FMN2: variants seen among roughly 807,000 people sequenced by gnomAD.
FMN2 encodes formin-2.
In FMN2, 51 loss-of-function variants were observed where a neutral mutation model predicts 142.3. That is an observed-to-expected ratio of 0.36 (90% confidence interval 0.29 to 0.45). The LOEUF is 0.45. Ranked by LOEUF, FMN2 falls within the 20% of genes least tolerant of loss-of-function variation. The probability of loss-of-function intolerance (pLI) is 1.00; values close to 1 mark genes in which losing one functional copy is unlikely to be tolerated. For missense variants in FMN2, 1,936 were observed against 2,122.8 expected, an observed-to-expected ratio of 0.91 and a Z score of 1.73; for synonymous variants, 882 against 869.8, an observed-to-expected ratio of 1.01 and a Z score of -0.25.
At chr1:240,445,916 T>C (rs1444838771) in intron 16 of FMN2, among the ~76,000 whole-genome samples, 1 of 152,024 alleles carries the variant, frequency 6.6e-6, no homozygotes, top group Non-Finnish European at 1.5e-5. Flanking sequence ...GAGATATATT[T>C]TGGAGGAAAA....
At chr1:240,370,742 A>G (rs1672834186) in intron 14 of FMN2, among the ~76,000 whole-genome samples, 1 of 152,084 alleles carries the variant, frequency 6.6e-6, no homozygotes. Context: ...CCGTTTCCTA[A>G]CAGGTCTCAC....
At chr1:240,468,300 GCA>G (rs567277977) in intron 16 of FMN2, among the ~76,000 whole-genome samples, 12 of 142,168 alleles carry the variant, frequency 8.4e-5, no homozygotes, top group African/African-American at 2.4e-4. Flanking sequence ...ATATACATAT[GCA>G]CACACACATA....
At chr1:240,143,957 C>G in intron 2 of FMN2, 1 of 1,442,628 alleles carries the variant, frequency 6.9e-7, no homozygotes, top group South Asian at 1.1e-5. Flanking sequence ...CATGGTGTTG[C>G]TGTTGTGGAG....
chr1:240,363,191 A>G (rs1473265859), intron 14 of FMN2, among the ~76,000 whole-genome samples: 1 of 152,184 alleles, frequency 6.6e-6, no homozygotes, highest in African/African-American at 2.4e-5. Flanking sequence ...AGCATGTTTC[A>G]TGTTGTACTT....
intron 2 of FMN2, chr1:240,144,823 C>G: frequency 7.0e-7 from 1 of 1,437,520 alleles, no homozygotes. Flanking sequence ...CCAGAGTGAG[C>G]AGTGGCTCCT....
At chr1:240,411,508 T>G (rs1221394177) in intron 15 of FMN2, among the ~76,000 whole-genome samples, 2 of 151,404 alleles carry the variant, frequency 1.3e-5, no homozygotes, top group African/African-American at 4.9e-5. Flanking sequence ...GAGGCGGAGG[T>G]TGTAGTGAGC....
chr1:240,289,568 A>G (rs1669705718), intron 7 of FMN2, among the ~76,000 whole-genome samples: 1 of 152,136 alleles, frequency 6.6e-6, no homozygotes, highest in Non-Finnish European at 1.5e-5. Context: ...TGTCCCCGCC[A>G]CATGGAGAGG....
intron 13 of FMN2, among the ~76,000 whole-genome samples, chr1:240,353,495 C>G (rs1230022463): frequency 6.6e-6 from 1 of 152,150 alleles, no homozygotes; most frequent in Non-Finnish European, 1.5e-5. Flanking sequence ...CATCCAACAG[C>G]AATTTATTGC....
intron 13 of FMN2, among the ~76,000 whole-genome samples, chr1:240,339,476 T>C (rs1396005344): frequency 6.6e-6 from 1 of 152,102 alleles, no homozygotes; most frequent in Non-Finnish European, 1.5e-5. Flanking sequence ...TCTAGGAAGG[T>C]ATTCTCCATG....
chr1:240,329,965 T>G (rs147537074), intron 10 of FMN2, among the ~76,000 whole-genome samples: 24 of 152,378 alleles, frequency 1.6e-4, no homozygotes, highest in African/African-American at 5.8e-4. Context: ...TGTTAACATT[T>G]AAAACAATTT....
chr1:240,164,824 G>A (rs1664412949), intron 2 of FMN2, among the ~76,000 whole-genome samples: 1 of 152,084 alleles, frequency 6.6e-6, no homozygotes, highest in African/African-American at 2.4e-5. Context: ...ATCAGTAGTA[G>A]TTTGATACTT....
At chr1:240,210,476 G>A (rs1410486886) in intron 5 of FMN2, among the ~76,000 whole-genome samples, 1 of 152,158 alleles carries the variant, frequency 6.6e-6, no homozygotes, top group Non-Finnish European at 1.5e-5. Flanking sequence ...CATCTTCTGT[G>A]TTGTTACCAC....
intron 6 of FMN2, among the ~76,000 whole-genome samples, chr1:240,236,303 T>C (rs1026459491): frequency 1.3e-5 from 2 of 152,148 alleles, no homozygotes; most frequent in Admixed American, 1.3e-4. Context: ...AGCTTTTAGC[T>C]TTAGTGACTC....
chr1:240,461,245 G>GCC (rs1219759667), intron 16 of FMN2, among the ~76,000 whole-genome samples: 1 of 152,216 alleles, frequency 6.6e-6, no homozygotes, highest in African/African-American at 2.4e-5. Context: ...ACAAATTAGT[G>GCC]TGTGATCCTG....
intron 15 of FMN2, among the ~76,000 whole-genome samples, chr1:240,414,518 A>C (rs757963614): frequency 6.6e-6 from 1 of 152,248 alleles, no homozygotes; most frequent in Admixed American, 6.5e-5. Context: ...AATTAATAAA[A>C]TATTGGCATT....
intron 8 of FMN2, among the ~76,000 whole-genome samples, chr1:240,310,557 G>A (rs2102986555): frequency 6.6e-6 from 1 of 152,256 alleles, no homozygotes; most frequent in Admixed American, 6.5e-5. Context: ...ACTAAATGCA[G>A]TACAACCTAG....
intron 2 of FMN2, chr1:240,144,068 T>C: frequency 1.8e-6 from 2 of 1,099,238 alleles, no homozygotes; most frequent in Non-Finnish European, 2.8e-6. Flanking sequence ...AATGTAGTCC[T>C]CAAAGGAGTA....
chr1:240,420,783 G>A (rs112405229), intron 15 of FMN2, among the ~76,000 whole-genome samples: 4,834 of 152,258 alleles, frequency 0.032, 100 homozygotes, highest in Non-Finnish European at 0.05. Flanking sequence ...ACAGGACAGG[G>A]GGCCGGTAAG....
At chr1:240,227,682 G>C (rs777067305) in intron 6 of FMN2, among the ~76,000 whole-genome samples, 13 of 152,138 alleles carry the variant, frequency 8.5e-5, no homozygotes, top group Non-Finnish European at 1.6e-4. Context: ...ATGGTACTAA[G>C]ACATTTCAAG....
Sources: gnomAD v4.1 joint callset for allele counts (sites outside exome capture counted in the v4.1 genomes callset) on GRCh38, gnomAD v4.1.1 for gene constraint, MANE v1.5 for transcripts, NCBI Gene and HGNC (gene_info 2026-07-23, HGNC 2026-07-21) for gene names.